Variants in PHF8 observed in about 807,000 individuals in gnomAD.
PHF8 encodes histone lysine demethylase PHF8.
A neutral mutation model predicts 74.4 loss-of-function variants in PHF8; 9 were observed. The ratio of observed to expected loss-of-function variants is 0.12; its 90% confidence interval spans 0.07 to 0.21. The LOEUF is 0.21. Ranked by LOEUF, PHF8 falls within the 10% of genes least tolerant of loss-of-function variation. PHF8 has a pLI of 1.00. For synonymous variants in PHF8, 311 were observed against 316.6 expected (o/e 0.98, Z 0.19); for missense variants, 478 against 816.6 (o/e 0.59, Z 5.05).
chrX:54,026,932 C>G (rs2066276887), intron 2 of PHF8, among the ~76,000 whole-genome samples: 2 of 111,369 alleles, frequency 1.8e-5, no homozygotes, highest in Non-Finnish European at 3.8e-5. Context: ...TGATCTTAGC[C>G]AAAAGACCAA....
intron 18 of PHF8, among the ~76,000 whole-genome samples, chrX:53,964,890 AAAAG>A (rs1317889738): frequency 9.4e-6 from 1 of 106,151 alleles, no homozygotes; most frequent in African/African-American, 3.5e-5. Flanking sequence ...AAAAAAAAAG[AAAAG>A]AAAGAAAGTA....
intron 19 of PHF8, among the ~76,000 whole-genome samples, chrX:53,954,499 C>CAAAAAAAAAAAAAAAAAAAAAAA (rs1180184175): frequency 7.6e-5 from 1 of 13,138 alleles, no homozygotes. Flanking sequence ...GACTCTGTCT[C>CAAAAAAAAAAAAAAAAAAAAAAA]AAAAAAAAAA....
chrX:53,949,615 A>G lies in PHF8; in HGVS notation c.2540-5372T>C, dbSNP rs188484186. The stretch of plus-strand genomic sequence containing the variant: ...ATCAGGAGGTCAGGAGATCAAGACC[A>G]TCCTGGCTAACACAGTGAAACCCCG... On this transcript the variant is annotated intron_variant, in intron 19 of 21. Coordinates refer to ENST00000338154, the MANE Select transcript of PHF8 (RefSeq NM_015107.3). Among the ~76,000 whole-genome samples the G allele has an allele frequency of 3.7e-5, 4 of 109,529 alleles. No individual in the cohort carries two copies. The Admixed American group carries it at 3.9e-4, about 11-fold the overall frequency.
chrX:53,969,366 T>C (rs1603306813), intron 18 of PHF8, among the ~76,000 whole-genome samples: 2 of 109,473 alleles, frequency 1.8e-5, no homozygotes, highest in East Asian at 5.7e-4. Context: ...CAATCCCCTT[T>C]ACAATAGCTA....
rs782492754 is a variant in PHF8 at position 53,992,769 on chromosome X, T to C, written c.1697A>G (p.Glu566Gly). The change falls in exon 14 of 22, where the codon GAG becomes GGG. Residue 566 changes from glutamate to glycine, a missense_variant. This residue lies in a region of PHF8 where 153 missense variants were observed against 164.8 expected (regional missense o/e 0.93). Coordinates refer to ENST00000338154, the MANE Select transcript of PHF8 (RefSeq NM_015107.3). The part of the protein sequence containing the change: ...DSPDLDLDGN[E>G]SPLALLMSNG... Reference sequence around the variant, plus strand: ...AGACATCAATAGGGCCAATGGGCTCTCATTTCCATCAAGGTCCAAGTCTGG... The same window carrying C: ...AGACATCAATAGGGCCAATGGGCTCCCATTTCCATCAAGGTCCAAGTCTGG... The C allele has an allele frequency of 4.2e-6, 5 of 1,201,351 alleles. No individual in the cohort carries two copies. The highest frequency in any genetic ancestry group is 5.6e-6 in the Non-Finnish European group (5 of 886,995).
chrX:53,992,565 C>A (rs1436520040), intron 14 of PHF8, among the ~76,000 whole-genome samples, 171 bp downstream of exon 14: 2 of 111,092 alleles, frequency 1.8e-5, no homozygotes, highest in Non-Finnish European at 3.8e-5. Flanking sequence ...TCCAACACCA[C>A]ACCATGGTTC....
At chrX:53,970,169 A>C (rs193244705) in intron 18 of PHF8, among the ~76,000 whole-genome samples, 172 of 112,237 alleles carry the variant, frequency 1.5e-3, no homozygotes, top group African/African-American at 5.5e-3. Flanking sequence ...AGCAAAGGAA[A>C]CAATCAACAA....
At chrX:53,974,214 C>A (rs1470940076) in intron 18 of PHF8, among the ~76,000 whole-genome samples, 6 of 110,017 alleles carry the variant, frequency 5.5e-5, no homozygotes, top group African/African-American at 2.0e-4. Flanking sequence ...TGCAGTGAGT[C>A]GAGATTGTGC....
chrX:54,002,793 A>G, intron 8 of PHF8, 111 bp from the exon 9 acceptor site: 1 of 544,310 alleles, frequency 1.8e-6, no homozygotes, highest in Non-Finnish European at 3.3e-6. Context: ...TAGCCTCCAA[A>G]CTGGCTTCCC....
intron 13 of PHF8, chrX:53,993,120 A>G (rs980796991): frequency 1.4e-4 from 51 of 361,771 alleles, no homozygotes; most frequent in African/African-American, 1.3e-3. Flanking sequence ...TCTTGAGGCA[A>G]GATGGAGCCC....
At position 54,042,791 on chromosome X, in the gene PHF8, G is replaced by A; in HGVS notation, c.-63C>T. The A allele has an allele frequency of 8.5e-7, 1 of 1,173,706 alleles. No individual in the cohort carries two copies. The highest frequency in any genetic ancestry group is 1.1e-6 in the Non-Finnish European group (1 of 874,184). ...TTCGTCGTGTCAAGAGGGGCGGGAGGCGGCAGCACGCGTCCTCTCTGGACG... is the reference window on the plus strand; with the variant it reads ...TTCGTCGTGTCAAGAGGGGCGGGAGACGGCAGCACGCGTCCTCTCTGGACG... On this transcript the variant is annotated 5_prime_UTR_variant, in exon 2 of 22. Transcript: ENST00000338154.
chrX:53,942,618 A>C (rs1375887726), intron 20 of PHF8: 2 of 625,643 alleles, frequency 3.2e-6, no homozygotes, highest in Non-Finnish European at 3.8e-6. Flanking sequence ...CCCACTCTTG[A>C]AGTATTCATA....
chrX:53,939,241 G>A lies in PHF8; in HGVS notation c.2992C>T (p.Arg998Cys), dbSNP rs781843080. The part of the protein sequence containing the change: ...SQSNQAGQGK[R>C]PKKGLATAKQ... ...GCTGTGGCCAGGCCCTTTTTGGGAC[G>A]CTTTCCTGTGGGGGAAGGGAAAAGT... The change falls in exon 22 of 22, where the codon CGT becomes TGT. Residue 998 changes from arginine (R) to cysteine (C), a missense_variant. Physicochemically the swap from Arg to Cys is radical, Grantham distance 180. This residue lies in a region of PHF8 where 75 missense variants were observed against 93.3 expected (regional missense o/e 0.80). Transcript: ENST00000338154. The A allele has an allele frequency of 1.7e-6, 2 of 1,204,271 alleles. No homozygotes were observed. The highest frequency in any genetic ancestry group is 2.2e-6 in the Non-Finnish European group (2 of 891,373).
At chrX:53,963,624 A>G (rs187523984) in intron 18 of PHF8, among the ~76,000 whole-genome samples, 11 of 112,456 alleles carry the variant, frequency 9.8e-5, no homozygotes, top group Non-Finnish European at 1.9e-5. Context: ...GCCAACAAAC[A>G]TATGAAAAAA....
Position 53,939,121 on chromosome X carries a change from T to C in PHF8, c.*37A>G. On this transcript the variant is annotated 3_prime_UTR_variant, in exon 22 of 22. Transcript: ENST00000338154. ...CAAGAGTTGACAATGGAGAAGGCAATGGGGGTAAAGGGGTGAGGGGTGGGA... is the reference window on the plus strand; with the variant it reads ...CAAGAGTTGACAATGGAGAAGGCAACGGGGGTAAAGGGGTGAGGGGTGGGA... 8.3e-7 allele frequency: 1 copy of C among 1,201,081 alleles called. No individual in the cohort carries two copies. The highest frequency in any genetic ancestry group is 1.1e-6 in the Non-Finnish European group (1 of 889,493).
chrX:53,996,466 C>T (rs1328607939), intron 11 of PHF8, among the ~76,000 whole-genome samples: 2 of 107,723 alleles, frequency 1.9e-5, no homozygotes, highest in African/African-American at 3.4e-5. Context: ...GCTATCGTTA[C>T]GTATGGCCCA....
intron 11 of PHF8, among the ~76,000 whole-genome samples, chrX:53,996,325 G>A (rs2065747316): frequency 9.1e-6 from 1 of 110,474 alleles, no homozygotes; most frequent in Admixed American, 9.7e-5. Context: ...ATGTTGGCCA[G>A]GCTGGTCTCG....
At chrX:54,038,961 CCT>C (rs1223542890) in intron 2 of PHF8, among the ~76,000 whole-genome samples, 1 of 109,194 alleles carries the variant, frequency 9.2e-6, no homozygotes, top group Non-Finnish European at 1.9e-5. Flanking sequence ...ATAGTGAAAC[CCT>C]GTCTCTACTA....
At chrX:53,980,184 G>C (rs1319902613) in intron 18 of PHF8, among the ~76,000 whole-genome samples, 1 of 111,180 alleles carries the variant, frequency 9.0e-6, no homozygotes, top group Non-Finnish European at 1.9e-5. Context: ...GAGAGGAGGA[G>C]GATATTATGG....
Sources: allele counts gnomAD v4.1 joint callset (sites outside exome capture counted in the v4.1 genomes callset), GRCh38; gene constraint gnomAD v4.1.1; regional missense constraint gnomAD v4.1.1; transcripts MANE v1.5; gene names NCBI Gene and HGNC (gene_info 2026-07-23, HGNC 2026-07-21).